The following CNDP2 variants were observed in gnomAD, a reference collection of about 807,000 sequenced individuals.
CNDP2 encodes the protein cytosolic non-specific dipeptidase.
Under a neutral mutation model 55.0 loss-of-function variants are expected in CNDP2, and 38 were observed. The ratio of observed to expected loss-of-function variants is 0.69; its 90% CI spans 0.53 to 0.90. The LOEUF (loss-of-function observed/expected upper bound fraction) is 0.90, where lower values mean the gene tolerates loss of function less well. Ranked by LOEUF, CNDP2 falls within the 40% of genes least tolerant of loss-of-function variation. The probability of loss-of-function intolerance (pLI) is 0.00; values close to 1 mark genes in which losing one functional copy is unlikely to be tolerated. For missense variants in CNDP2, 607 were observed against 621.7 expected (o/e 0.98, Z 0.25); for synonymous variants, 241 against 260.2 (o/e 0.93, Z 0.71).
rs574273435 is a variant in CNDP2, at chr18:74,516,529, T to C, written c.1068+137T>C. 9 of 812,834 alleles carry C rather than the reference T, an allele frequency of 1.1e-5. No individual in the cohort carries two copies. The African/African-American group carries it at 1.4e-4, about 13-fold the overall frequency. The allele number at this position is 812,834 out of a possible 1,614,324, so 50.4% of individuals were successfully genotyped here. On this transcript the variant is annotated intron_variant, in intron 9 of 11. Coordinates refer to ENST00000324262, the MANE Select transcript of CNDP2 (RefSeq NM_018235.3). ...TCCTGGCTCTGGCCAAGTCAGTAAT[T>C]ATGACAGTCACGGTTCAGAAGCTAA... is the stretch of plus-strand genomic sequence containing the variant.
intron 3 of CNDP2, among the ~76,000 whole-genome samples, chr18:74,502,928 T>C (rs1978791496): frequency 6.6e-6 from 1 of 152,218 alleles, no homozygotes; most frequent in African/African-American, 2.4e-5. Flanking sequence ...TGCTATTCAT[T>C]TGAGGTTTTC....
At chr18:74,515,715 G>T (rs1979626782) in intron 8 of CNDP2, among the ~76,000 whole-genome samples, 2 of 152,138 alleles carry the variant, frequency 1.3e-5, no homozygotes, top group Admixed American at 1.3e-4. Flanking sequence ...CCTGGTCTGA[G>T]GAGATGGCAT....
At chr18:74,515,438 C>T (rs1188600374) in intron 8 of CNDP2, among the ~76,000 whole-genome samples, 1 of 152,052 alleles carries the variant, frequency 6.6e-6, no homozygotes, top group Non-Finnish European at 1.5e-5. Flanking sequence ...GTTTCTCCTG[C>T]CCTGACCCTC....
chr18:74,499,851 T>C (rs1490791569), intron 1 of CNDP2, 31 bp from the exon 2 acceptor site: 1 of 783,132 alleles, frequency 1.3e-6, no homozygotes, highest in Non-Finnish European at 2.1e-6. Context: ...GGGCAACAAT[T>C]TACAATTCTG....
At chr18:74,513,525 C>T in intron 7 of CNDP2, 34 bp from the exon 8 acceptor site, 1 of 1,591,344 alleles carries the variant, frequency 6.3e-7, no homozygotes, top group Non-Finnish European at 8.5e-7. Flanking sequence ...TGCGGCCTCC[C>T]CTGAGTGCTG....
intron 5 of CNDP2, among the ~76,000 whole-genome samples, chr18:74,510,421 A>C (rs1979276314): frequency 6.6e-6 from 1 of 152,206 alleles, no homozygotes. Flanking sequence ...CGGGGAGAGC[A>C]GCGCTTCTGT....
Position 74,518,524 on chromosome 18 carries a change from T to TAGG in CNDP2, c.1094_1095insAGG (p.Phe365delinsLeuGly), listed in dbSNP as rs1979846028. ...GTCACAAGCTACCTAACTAAGAAGT[T>TAGG]TGCTGAACTACGCAGCCCCAATGAG... On this transcript the variant is annotated protein_altering_variant, in exon 10 of 12. Transcript: ENST00000324262. 5 of 1,614,078 alleles carry TAGG rather than the reference T, an allele frequency of 3.1e-6. No homozygotes were observed. The highest frequency in any genetic ancestry group is 1.6e-4 in the Middle Eastern group (1 of 6,084).
At chr18:74,512,401 A>G in intron 6 of CNDP2, 47 bp from the exon 7 acceptor site, 1 of 1,503,144 alleles carries the variant, frequency 6.7e-7, no homozygotes, top group South Asian at 1.2e-5. Flanking sequence ...TGATAAAAAT[A>G]AGCTCCCACT....
In CNDP2 at chr18:74,512,473, AT is replaced by A. The variant is rs1293474216; in HGVS notation, c.685del (p.Ser229LeufsTer12). ...IEVECSNKDL[H>X]SGVYGGSVHE... ...GTGGAGTGCAGCAACAAAGACCTCCATTCTGGGGTGTACGGGGGCTCGGTGC... is the reference window on the plus strand; with the variant it reads ...GTGGAGTGCAGCAACAAAGACCTCCATCTGGGGTGTACGGGGGCTCGGTGC... On this transcript the variant is annotated frameshift_variant, in exon 7 of 12. Transcript: ENST00000324262. LOFTEE classifies it high-confidence loss of function. 2 of 1,613,780 alleles carry A rather than the reference AT, an allele frequency of 1.2e-6. No homozygotes were observed. Among genetic ancestry groups the A allele is most frequent in the Non-Finnish European group, 1.7e-6 (2 of 1,179,900 alleles).
chr18:74,515,704 T>A (rs1458003360), intron 8 of CNDP2, among the ~76,000 whole-genome samples: 2 of 152,156 alleles, frequency 1.3e-5, no homozygotes, highest in Non-Finnish European at 2.9e-5. Flanking sequence ...ATGAAGTCTC[T>A]CCTGGTCTGA....
intron 8 of CNDP2, among the ~76,000 whole-genome samples, chr18:74,515,499 C>T (rs1032087952): frequency 2.6e-5 from 4 of 152,132 alleles, no homozygotes; most frequent in Non-Finnish European, 5.9e-5. Context: ...GTCTGTTCCT[C>T]CCAGATAACA....
intron 3 of CNDP2, 90 bp downstream of exon 3, chr18:74,501,562 T>C: frequency 6.8e-7 from 1 of 1,470,608 alleles, no homozygotes; most frequent in Non-Finnish European, 9.1e-7. Context: ...AAAGATCTTT[T>C]GCTTCACATA....
chr18:74,519,958 C>A, intron 11 of CNDP2, 41 bp from the exon 12 acceptor site: 1 of 1,580,784 alleles, frequency 6.3e-7, no homozygotes. Context: ...GGTGTTGGCT[C>A]ACGACACCAG....
chr18:74,502,472 G>GTTTTTTTTTTTTTTTTTTTT (rs139713521), intron 3 of CNDP2, among the ~76,000 whole-genome samples: 1 of 148,608 alleles, frequency 6.7e-6, no homozygotes, highest in African/African-American at 2.5e-5. Flanking sequence ...TTGTCTTTTT[G>GTTTTTTTTTTTTTTTTTTTT]GTTTTTTTTT....
At chr18:74,507,096 T>C (rs1212013182) in intron 4 of CNDP2, 2 of 152,266 alleles carry the variant, frequency 1.3e-5, no homozygotes, top group African/African-American at 2.4e-5. Context: ...TCCATGTCAT[T>C]GTCCTTGTCA....
intron 1 of CNDP2, among the ~76,000 whole-genome samples, chr18:74,496,695 G>T (rs1264089726): frequency 1.3e-5 from 2 of 152,216 alleles, no homozygotes; most frequent in Non-Finnish European, 2.9e-5. Flanking sequence ...CGCGTCCCCG[G>T]TACGCAGGGA....
intron 1 of CNDP2, 138 bp from the exon 2 acceptor site, chr18:74,499,744 C>T (rs565825943): frequency 6.6e-5 from 28 of 422,090 alleles, no homozygotes; most frequent in African/African-American, 4.6e-4. Flanking sequence ...AAGTTTAGCC[C>T]CAGCCTCTAA....
At chr18:74,502,567 TG>T (rs1193034743) in intron 3 of CNDP2, among the ~76,000 whole-genome samples, 2 of 151,924 alleles carry the variant, frequency 1.3e-5, no homozygotes, top group African/African-American at 2.4e-5. Context: ...CATCCCAAAT[TG>T]TCACGCCACC....
chr18:74,497,706 G>C (rs550014889), intron 1 of CNDP2: 1 of 152,168 alleles, frequency 6.6e-6, no homozygotes, highest in South Asian at 2.1e-4. Flanking sequence ...GATCATTTGA[G>C]CCTGGGAGAC....
Sources: gnomAD v4.1 joint callset for allele counts (sites outside exome capture counted in the v4.1 genomes callset) on GRCh38, gnomAD v4.1.1 for gene constraint, MANE v1.5 for transcripts, NCBI Gene and HGNC (gene_info 2026-07-23, HGNC 2026-07-21) for gene names.